Variants in GFOD2 observed in about 807,000 individuals in gnomAD.
The protein encoded by GFOD2 is Gfo/Idh/MocA-like oxidoreductase domain containing 2.
GFOD2 carries 9 observed loss-of-function variants against 24.6 expected under a neutral mutation model. The ratio of observed to expected loss-of-function variants is 0.37; its 90% confidence interval spans 0.22 to 0.64. The LOEUF (loss-of-function observed/expected upper bound fraction) is 0.64, where lower values mean the gene tolerates loss of function less well. Among genes scored for constraint, GFOD2 ranks in the 30% least tolerant of loss-of-function variants. GFOD2 has a pLI of 0.65. For synonymous variants in GFOD2, 211 were observed against 224.8 expected, an observed-to-expected ratio of 0.94 and a Z score of 0.55; for missense variants, 476 against 532.5, an observed-to-expected ratio of 0.89 and a Z score of 1.04.
chr16:67,704,644 C>A (rs1031095852), intron 1 of GFOD2, among the ~76,000 whole-genome samples: 5 of 152,194 alleles, frequency 3.3e-5, no homozygotes, highest in South Asian at 4.1e-4. Flanking sequence ...ACTAAAAAAA[C>A]CAAATTGTTG....
At chr16:67,680,956 C>T (rs921092814) in intron 2 of GFOD2, 3 of 985,318 alleles carry the variant, frequency 3.0e-6, no homozygotes, top group Non-Finnish European at 3.6e-6. Flanking sequence ...AGCCAAGTGT[C>T]ACATACCTGG....
At chr16:67,717,242 C>T (rs1290405697) in intron 1 of GFOD2, among the ~76,000 whole-genome samples, 4 of 152,176 alleles carry the variant, frequency 2.6e-5, no homozygotes. Flanking sequence ...CATTATTATA[C>T]TTCCAATGTA....
chr16:67,698,930 G>C (rs1281327656), intron 1 of GFOD2, among the ~76,000 whole-genome samples: 2 of 152,148 alleles, frequency 1.3e-5, no homozygotes, highest in Admixed American at 1.3e-4. Flanking sequence ...ACTAGGATTT[G>C]GGATTATCAG....
intron 1 of GFOD2, among the ~76,000 whole-genome samples, chr16:67,711,385 T>C (rs1459590445): frequency 6.6e-6 from 1 of 152,194 alleles, no homozygotes; most frequent in African/African-American, 2.4e-5. Context: ...ATTTTCCTCT[T>C]ACCTCTCTGA....
chr16:67,692,729 T>TAA (rs746077184), intron 1 of GFOD2, among the ~76,000 whole-genome samples: 12 of 128,552 alleles, frequency 9.3e-5, no homozygotes, highest in Admixed American at 3.1e-4. Flanking sequence ...GGGAATAATT[T>TAA]AAAAAAAAAA....
At chr16:67,711,933 T>C (rs2053476879) in intron 1 of GFOD2, among the ~76,000 whole-genome samples, 1 of 152,170 alleles carries the variant, frequency 6.6e-6, no homozygotes, top group African/African-American at 2.4e-5. Context: ...TCTACTTCCA[T>C]GTTGGCTTTT....
chr16:67,685,178 T>G (rs2053256440), intron 2 of GFOD2: 2 of 1,394,906 alleles, frequency 1.4e-6, no homozygotes, highest in Non-Finnish European at 1.9e-6. Flanking sequence ...GAGGCAAACT[T>G]TATGTTGACT....
At chr16:67,694,543 T>A (rs1037009864) in intron 1 of GFOD2, among the ~76,000 whole-genome samples, 1 of 152,112 alleles carries the variant, frequency 6.6e-6, no homozygotes, top group Non-Finnish European at 1.5e-5. Flanking sequence ...CAAGTGATCC[T>A]CCCACCTCGG....
intron 1 of GFOD2, among the ~76,000 whole-genome samples, chr16:67,691,005 G>A (rs1005257698): frequency 2.0e-5 from 3 of 152,124 alleles, no homozygotes; most frequent in African/African-American, 7.2e-5. Flanking sequence ...TGGGACTACA[G>A]GCATGTGTCA....
In GFOD2 at chr16:67,685,634, A is replaced by C. The variant is rs1213162168; in HGVS notation, c.82T>G (p.Phe28Val). 6.2e-7 allele frequency: 1 copy of C among 1,613,960 alleles called. No individual in the cohort carries two copies. The highest frequency in any genetic ancestry group is 1.1e-5 in the South Asian group (1 of 91,074). Residue 28 changes from phenylalanine (F) to valine (V), a missense_variant, in exon 2 of 3, where the codon TTC becomes GTC. Phe to Val is a conservative substitution (Grantham distance 50). Transcript: ENST00000268797. ...TTCCCCCACAGGGCCTCAACAGTGA[A>C]CCCTTCTGCCCTCAGCAGTGGGACC... ...VLVPLLRAEG[F>V]TVEALWGKTE... is the part of the protein sequence containing the mutation.
chr16:67,710,104 C>T (rs999754462), intron 1 of GFOD2, among the ~76,000 whole-genome samples: 1 of 151,846 alleles, frequency 6.6e-6, no homozygotes, highest in African/African-American at 2.4e-5. Context: ...GCCACGACAC[C>T]CAGCTAATTT....
At chr16:67,698,727 C>T (rs2053376668) in intron 1 of GFOD2, among the ~76,000 whole-genome samples, 1 of 152,240 alleles carries the variant, frequency 6.6e-6, no homozygotes, top group Admixed American at 6.5e-5. Context: ...GATCTGCCCA[C>T]CTCGGCCTCC....
At chr16:67,706,682 A>G (rs534536041) in intron 1 of GFOD2, among the ~76,000 whole-genome samples, 18 of 152,228 alleles carry the variant, frequency 1.2e-4, no homozygotes, top group Non-Finnish European at 1.9e-4. Flanking sequence ...GCACTAACTC[A>G]TTGAAAACTG....
intron 1 of GFOD2, among the ~76,000 whole-genome samples, chr16:67,693,240 A>G (rs1465357657): frequency 2.6e-5 from 4 of 151,706 alleles, no homozygotes; most frequent in African/African-American, 9.7e-5. Context: ...TATAATTCAG[A>G]CAAAGAACCT....
chr16:67,711,921 T>A (rs1354691534), intron 1 of GFOD2, among the ~76,000 whole-genome samples: 1 of 152,146 alleles, frequency 6.6e-6, no homozygotes, highest in Non-Finnish European at 1.5e-5. Context: ...TTCCTTCAGG[T>A]CTCTACTTCC....
Position 67,712,942 on chromosome 16 carries a change from T to A in GFOD2, c.-88+6221A>T. ...GGAGCACCTCTGCCCCGCCGCCCTGTCTGGGATGTGAGGAGCGCCTCTGCT... is the reference window on the plus strand; with the variant it reads ...GGAGCACCTCTGCCCCGCCGCCCTGACTGGGATGTGAGGAGCGCCTCTGCT... On this transcript the variant is annotated intron_variant, in intron 1 of 2. Transcript: ENST00000268797. Among the ~76,000 whole-genome samples, 2 of 108,454 alleles carry A rather than the reference T, an allele frequency of 1.8e-5. 1 individual carries two copies. The highest frequency in any genetic ancestry group is 3.4e-5 in the Non-Finnish European group (2 of 58,598). 71.2% of individuals were successfully genotyped at this position (108,454 alleles called of 152,430 possible).
At chr16:67,679,236 CTTTTTTTTTTTTT>C (rs963232617) in intron 2 of GFOD2, among the ~76,000 whole-genome samples, 12 of 139,554 alleles carry the variant, frequency 8.6e-5, no homozygotes, top group Non-Finnish European at 1.4e-4. Flanking sequence ...TTTTTTTTTT[CTTTTTTTTTTTTT>C]GAGACAGAGT....
rs187846578 is a variant in GFOD2, at chr16:67,708,321, G to A, written c.-88+10842C>T. On this transcript the variant is annotated intron_variant, in intron 1 of 2. Transcript: ENST00000268797. ...AAAAAAACCTGTAAGCTTACTTTTGGGGACATCATCGGTACAGGCTGGGGC... is the reference window on the plus strand; with the variant it reads ...AAAAAAACCTGTAAGCTTACTTTTGAGGACATCATCGGTACAGGCTGGGGC... 3.9e-5 allele frequency among the ~76,000 whole-genome samples: 6 copies of A among 152,232 alleles called. No individual in the cohort carries two copies. The East Asian group carries it at 1.2e-3, about 29-fold the overall frequency.
intron 1 of GFOD2, among the ~76,000 whole-genome samples, chr16:67,697,355 A>G (rs1426484272): frequency 6.6e-6 from 1 of 152,242 alleles, no homozygotes; most frequent in Non-Finnish European, 1.5e-5. Context: ...TTTTTCTGAA[A>G]AAAAGATATC....
Sources: gnomAD v4.1 joint callset for allele counts (sites outside exome capture counted in the v4.1 genomes callset) on GRCh38, gnomAD v4.1.1 for gene constraint, MANE v1.5 for transcripts, NCBI Gene and HGNC (gene_info 2026-07-23, HGNC 2026-07-21) for gene names.